Variants in SPOCK1 observed in about 807,000 individuals in gnomAD.
SPOCK1 encodes the protein SPARC (osteonectin), cwcv and kazal like domains proteoglycan 1.
In SPOCK1, 23 loss-of-function variants were observed where a neutral mutation model predicts 55.3. The ratio of observed to expected loss-of-function variants is 0.42; its 90% CI spans 0.30 to 0.59. The LOEUF is 0.59. SPOCK1 is among the 20% of genes least tolerant of loss of function. The pLI is 0.22. For synonymous variants in SPOCK1, 226 were observed against 221.0 expected (o/e 1.02, Z -0.20); for missense variants, 499 against 552.5 (o/e 0.90, Z 0.97).
At chr5:137,363,326 C>T (rs1216327343) in intron 2 of SPOCK1, among the ~76,000 whole-genome samples, 1 of 152,224 alleles carries the variant, frequency 6.6e-6, no homozygotes, top group Non-Finnish European at 1.5e-5. Flanking sequence ...TTATGCTCTA[C>T]ACAAGACACT....
At chr5:137,101,637 T>C (rs1224234173) in intron 5 of SPOCK1, among the ~76,000 whole-genome samples, 1 of 152,238 alleles carries the variant, frequency 6.6e-6, no homozygotes, top group East Asian at 1.9e-4. Context: ...CATGCTTAAG[T>C]AGTCTGTGTA....
At chr5:137,218,403 T>G (rs1429406678) in intron 3 of SPOCK1, among the ~76,000 whole-genome samples, 1 of 152,278 alleles carries the variant, frequency 6.6e-6, no homozygotes, top group Non-Finnish European at 1.5e-5. Flanking sequence ...TAACACATGG[T>G]TCTTGGACAT....
chr5:137,361,094 C>A (rs952170808), intron 2 of SPOCK1, among the ~76,000 whole-genome samples: 5 of 152,150 alleles, frequency 3.3e-5, no homozygotes, highest in African/African-American at 1.2e-4. Context: ...GAGGAAGAGA[C>A]CCCAGAGTCT....
chr5:137,003,066 C>T (rs1751180330), intron 6 of SPOCK1, among the ~76,000 whole-genome samples: 1 of 152,194 alleles, frequency 6.6e-6, no homozygotes, highest in Admixed American at 6.5e-5. Flanking sequence ...TTTTAATGCT[C>T]TGCTCAAATT....
intron 2 of SPOCK1, among the ~76,000 whole-genome samples, chr5:137,497,989 G>A (rs1353610387): frequency 6.6e-6 from 1 of 152,056 alleles, no homozygotes; most frequent in East Asian, 1.9e-4. Context: ...CGCTGCCCCG[G>A]GGAGGTTTTC....
chr5:137,185,914 C>T (rs894938889), intron 3 of SPOCK1, among the ~76,000 whole-genome samples: 1 of 152,192 alleles, frequency 6.6e-6, no homozygotes, highest in Non-Finnish European at 1.5e-5. Context: ...TAACAAAATA[C>T]AGTGCTCCAT....
chr5:137,033,289 G>A (rs891983150), intron 6 of SPOCK1, among the ~76,000 whole-genome samples: 1 of 152,244 alleles, frequency 6.6e-6, no homozygotes, highest in Non-Finnish European at 1.5e-5. Context: ...ATGTCAGTAA[G>A]GGCTGAACTC....
intron 3 of SPOCK1, among the ~76,000 whole-genome samples, chr5:137,146,311 A>T (rs1754191716): frequency 2.0e-5 from 3 of 152,040 alleles, no homozygotes; most frequent in Admixed American, 1.3e-4. Flanking sequence ...TGTTGAGACC[A>T]GTAAGCAAAA....
At chr5:137,413,504 A>G (rs1752252945) in intron 2 of SPOCK1, among the ~76,000 whole-genome samples, 1 of 149,486 alleles carries the variant, frequency 6.7e-6, no homozygotes, top group East Asian at 1.9e-4. Flanking sequence ...TTCACTTACT[A>G]GGGTAGTTTC....
intron 2 of SPOCK1, chr5:137,364,964 A>G (rs1751025279): frequency 6.6e-6 from 1 of 152,260 alleles, no homozygotes; most frequent in Admixed American, 6.5e-5. Context: ...GGACACTGTC[A>G]TCTCCTCATT....
intron 2 of SPOCK1, among the ~76,000 whole-genome samples, chr5:137,283,471 T>A (rs1205907793): frequency 6.6e-6 from 1 of 152,124 alleles, no homozygotes. Flanking sequence ...CCCAGCACTA[T>A]GGGAGGCCGA....
intron 2 of SPOCK1, among the ~76,000 whole-genome samples, chr5:137,324,627 G>T (rs1488552018): frequency 6.6e-6 from 1 of 152,106 alleles, no homozygotes; most frequent in Non-Finnish European, 1.5e-5. Context: ...GAATGAAGCA[G>T]AAGAAAAATG....
chr5:137,196,758 CCA>C (rs1755306838), intron 3 of SPOCK1, among the ~76,000 whole-genome samples: 1 of 152,142 alleles, frequency 6.6e-6, no homozygotes, highest in Admixed American at 6.5e-5. Flanking sequence ...TTAATGTTTC[CCA>C]CTGAACTATA....
chr5:137,498,718 G>C (rs556639583), intron 1 of SPOCK1, 160 bp from the exon 2 acceptor site: 1 of 394,358 alleles, frequency 2.5e-6, no homozygotes, highest in South Asian at 1.2e-4. Context: ...CTAGACCCAG[G>C]GACCCCTCTC....
At chr5:137,352,584 T>TA (rs1228934564) in intron 2 of SPOCK1, among the ~76,000 whole-genome samples, 1 of 151,934 alleles carries the variant, frequency 6.6e-6, no homozygotes, top group Non-Finnish European at 1.5e-5. Context: ...ACAGCTCGTA[T>TA]AACAGCTCAG....
intron 6 of SPOCK1, among the ~76,000 whole-genome samples, chr5:137,024,321 G>GGGGT: frequency 6.8e-6 from 1 of 146,770 alleles, no homozygotes; most frequent in African/African-American, 2.5e-5. Context: ...TGAAGGGGGG[G>GGGGT]GGGTAGTTAC....
chr5:137,169,761 T>C (rs1337801723), intron 3 of SPOCK1, among the ~76,000 whole-genome samples: 1 of 152,160 alleles, frequency 6.6e-6, no homozygotes, highest in Non-Finnish European at 1.5e-5. Context: ...TTGTTCTCAT[T>C]TTACCAATAT....
At chr5:136,988,796 T>C in intron 7 of SPOCK1, 153 bp from the exon 8 acceptor site, 2 of 596,234 alleles carry the variant, frequency 3.4e-6, no homozygotes, top group East Asian at 2.9e-5. Flanking sequence ...AGTGGTTCTC[T>C]AGAATATTTT....
chr5:137,165,374 C>G (rs1464062056), intron 3 of SPOCK1, among the ~76,000 whole-genome samples: 1 of 152,122 alleles, frequency 6.6e-6, no homozygotes, highest in Admixed American at 6.5e-5. Context: ...AAGGTGTCCC[C>G]CTAAAGGATA....
Sources: gnomAD v4.1 joint callset for allele counts (sites outside exome capture counted in the v4.1 genomes callset) on GRCh38, gnomAD v4.1.1 for gene constraint, MANE v1.5 for transcripts, NCBI Gene and HGNC (gene_info 2026-07-23, HGNC 2026-07-21) for gene names.